The following PGR variants were observed in gnomAD, a reference collection of about 807,000 sequenced individuals.
The protein encoded by PGR is nuclear receptor subfamily 3 group C member 3.
PGR carries 25 observed loss-of-function variants against 76.1 expected under a neutral mutation model. The observed-to-expected ratio is 0.33, with a 90% CI of 0.24 to 0.46. PGR has a LOEUF of 0.46. PGR is among the 20% of genes least tolerant of loss of function. PGR has a pLI of 1.00. For synonymous variants in PGR, 579 were observed against 535.0 expected (o/e 1.08, Z -1.14); for missense variants, 1,172 against 1,225.3 (o/e 0.96, Z 0.65).
chr11:101,056,126 C>T (rs779710591), intron 4 of PGR, among the ~76,000 whole-genome samples: 12 of 151,824 alleles, frequency 7.9e-5, no homozygotes, highest in Non-Finnish European at 1.6e-4. Context: ...GATTAAATTC[C>T]CAGTGATGAT....
At chr11:101,097,995 C>G (rs1020708739) in intron 2 of PGR, among the ~76,000 whole-genome samples, 1 of 152,068 alleles carries the variant, frequency 6.6e-6, no homozygotes, top group Non-Finnish European at 1.5e-5. Context: ...CCAGGATGGT[C>G]TCGATCTCCT....
At chr11:101,116,980 T>C (rs1156795497) in intron 2 of PGR, among the ~76,000 whole-genome samples, 1 of 152,136 alleles carries the variant, frequency 6.6e-6, no homozygotes, top group Admixed American at 6.5e-5. Flanking sequence ...ATTGCAAGGG[T>C]ATACCACAAT....
intron 3 of PGR, chr11:101,063,203 A>G (rs1490220274): frequency 1.3e-5 from 2 of 152,926 alleles, no homozygotes; most frequent in Non-Finnish European, 2.9e-5. Context: ...ATCTTCTTTG[A>G]GGTTTTGTTC....
At chr11:101,113,875 C>A (rs1862419331) in intron 2 of PGR, among the ~76,000 whole-genome samples, 1 of 152,078 alleles carries the variant, frequency 6.6e-6, no homozygotes, top group African/African-American at 2.4e-5. Flanking sequence ...CTCCTTGCCC[C>A]AGCTGCTAGC....
intron 2 of PGR, among the ~76,000 whole-genome samples, chr11:101,124,936 T>C (rs1386897423): frequency 2.0e-5 from 3 of 152,268 alleles, no homozygotes; most frequent in East Asian, 1.9e-4. Flanking sequence ...ATATTTGTTA[T>C]GAAGAACTCC....
intron 2 of PGR, among the ~76,000 whole-genome samples, chr11:101,122,339 G>T (rs1862706509): frequency 6.6e-6 from 1 of 152,114 alleles, no homozygotes; most frequent in South Asian, 2.1e-4. Flanking sequence ...TAAAAGTGTG[G>T]CGTTATCAGT....
intron 3 of PGR, among the ~76,000 whole-genome samples, chr11:101,086,317 A>T (rs1302456831): frequency 1.3e-5 from 2 of 148,962 alleles, no homozygotes; most frequent in Non-Finnish European, 3.0e-5. Context: ...GATTTACCAC[A>T]TGAGAAGAAT....
In PGR at chr11:101,079,342, G is replaced by A. The variant is rs1045598682; in HGVS notation, c.1906+12418C>T. Among the ~76,000 whole-genome samples the A allele has an allele frequency of 2.6e-5, 4 of 151,628 alleles. No homozygotes were observed. In the East Asian group the frequency reaches 7.8e-4, roughly 29 times the overall value. ...ATAGTTAACAATGTGAAGAGACAAA[G>A]AATGAGAGAAAATATTTGAAAACTA... On this transcript the variant is annotated intron_variant, in intron 3 of 7. Transcript: ENST00000325455.
intron 3 of PGR, among the ~76,000 whole-genome samples, chr11:101,083,960 A>G (rs1376396636): frequency 6.6e-6 from 1 of 152,138 alleles, no homozygotes; most frequent in Non-Finnish European, 1.5e-5. Context: ...GGGAGGGGCC[A>G]GGGGCAGAAT....
At chr11:101,073,821 A>G (rs918083177) in intron 3 of PGR, among the ~76,000 whole-genome samples, 1 of 152,194 alleles carries the variant, frequency 6.6e-6, no homozygotes, top group African/African-American at 2.4e-5. Flanking sequence ...ACAAGTTCTG[A>G]AATTGAGGCA....
intron 2 of PGR, among the ~76,000 whole-genome samples, chr11:101,122,366 T>C (rs577624339): frequency 3.9e-5 from 6 of 152,324 alleles, no homozygotes; most frequent in South Asian, 2.1e-4. Flanking sequence ...GACTGGATCA[T>C]GTAGCAGTTA....
At chr11:101,097,364 C>T (rs1861865803) in intron 2 of PGR, among the ~76,000 whole-genome samples, 1 of 152,164 alleles carries the variant, frequency 6.6e-6, no homozygotes, top group East Asian at 1.9e-4. Flanking sequence ...CTGGTCTTAC[C>T]TGACTGCTCT....
intron 4 of PGR, among the ~76,000 whole-genome samples, chr11:101,052,022 T>C (rs527470047): frequency 6.6e-6 from 1 of 152,222 alleles, no homozygotes; most frequent in South Asian, 2.1e-4. Context: ...GGAAAAACTT[T>C]CTAGAAAAAA....
chr11:101,101,311 G>C (rs1861990753), intron 2 of PGR, among the ~76,000 whole-genome samples: 1 of 151,870 alleles, frequency 6.6e-6, no homozygotes, highest in Non-Finnish European at 1.5e-5. Flanking sequence ...AAAGAAACAA[G>C]AGGAACTCAC....
rs7927362 is a variant in PGR, at chr11:101,093,818, G to A, written c.1790-1942C>T. Among the ~76,000 whole-genome samples, 570 of 152,318 alleles carry A rather than the reference G, an allele frequency of 3.7e-3. 4 individuals carry two copies. Among genetic ancestry groups the A allele is most frequent in the African/African-American group, 0.012 (517 of 41,574 alleles). On this transcript the variant is annotated intron_variant, in intron 2 of 7. Coordinates refer to ENST00000325455, the MANE Select transcript of PGR (RefSeq NM_000926.4). ...ATAGAGCACGCAGATGTAATTGTTT[G>A]AAGAGAGGCTGTCCTACTGTCTGCT... is the stretch of plus-strand genomic sequence containing the variant.
At chr11:101,052,036 G>C (rs1034092818) in intron 4 of PGR, among the ~76,000 whole-genome samples, 2 of 152,138 alleles carry the variant, frequency 1.3e-5, no homozygotes, top group African/African-American at 4.8e-5. Context: ...GAAAAAAAGA[G>C]AGATAATGCC....
chr11:101,077,221 C>A (rs1861158437), intron 3 of PGR, among the ~76,000 whole-genome samples: 1 of 151,994 alleles, frequency 6.6e-6, no homozygotes, highest in Non-Finnish European at 1.5e-5. Flanking sequence ...GGAAGGATGT[C>A]TAGAGGCATG....
In PGR at chr11:101,128,899, G is replaced by A. The variant is rs751677036; in HGVS notation, c.172C>T (p.Leu58=). 1.2e-6 allele frequency: 2 copies of A among 1,614,018 alleles called. No homozygotes were observed. Among genetic ancestry groups the A allele is most frequent in the South Asian group, 1.1e-5 (1 of 91,078 alleles). ...VSAIPISLDG[L]LFPRPCQGQD... is the part of the protein sequence containing the mutation. ...CCCTGGCAGGGCCGAGGGAAGAGTA[G>A]CCCGTCCAGGGAGATAGGTATGGCC... Residue 58 remains leucine (L), a synonymous_variant, in exon 1 of 8, where the codon CTA becomes TTA. Coordinates refer to ENST00000325455, the MANE Select transcript of PGR (RefSeq NM_000926.4).
At chr11:101,091,634 G>A (rs1861677257) in intron 3 of PGR, 126 bp downstream of exon 3, 1 of 698,962 alleles carries the variant, frequency 1.4e-6, no homozygotes, top group African/African-American at 1.8e-5. Flanking sequence ...CATGTGCAGA[G>A]TCACTGCCAA....
Sources: gnomAD v4.1 joint callset for allele counts (sites outside exome capture counted in the v4.1 genomes callset) on GRCh38, gnomAD v4.1.1 for gene constraint, MANE v1.5 for transcripts, NCBI Gene and HGNC (gene_info 2026-07-23, HGNC 2026-07-21) for gene names.